Variants in COL6A3 observed in about 807,000 individuals in gnomAD.
COL6A3 encodes the protein collagen type VI alpha 3 chain.
A neutral mutation model predicts 274.1 loss-of-function variants in COL6A3; 137 were observed. The observed-to-expected ratio is 0.50, with a 90% CI of 0.44 to 0.58. COL6A3 has a LOEUF of 0.58. COL6A3 is among the 20% of genes least tolerant of loss of function. The pLI is 0.00. For synonymous variants in COL6A3, 1,650 were observed against 1,650.6 expected, an observed-to-expected ratio of 1.00 and a Z score of 0.01; for missense variants, 3,950 against 4,124.9, an observed-to-expected ratio of 0.96 and a Z score of 1.16.
chr2:237,342,399 T>G, intron 36 of COL6A3: 1 of 547,792 alleles, frequency 1.8e-6, no homozygotes, highest in South Asian at 2.1e-5. Flanking sequence ...GGGTTTCAGT[T>G]TTTTTCAGCT....
intron 25 of COL6A3, 117 bp from the exon 26 acceptor site, chr2:237,352,701 GC>G: frequency 1.1e-6 from 1 of 951,030 alleles, no homozygotes; most frequent in Non-Finnish European, 1.7e-6. Context: ...GCCAAAAACG[GC>G]CACCAAAACC....
chr2:237,358,561 T>C lies in COL6A3; in HGVS notation c.6431A>G (p.Glu2144Gly). ...GRRGDKGPRG[E>G]KGERGDVGIR... Reference sequence around the variant, plus strand: ...CCCAACATCTCCTCTTTCTCCTTTCTCTCCTCGAGGTCCTTTATCACCCTA... The same window carrying C: ...CCCAACATCTCCTCTTTCTCCTTTCCCTCCTCGAGGTCCTTTATCACCCTA... The change falls in exon 21 of 44, where the codon GAG becomes GGG. Residue 2144 changes from glutamate (E) to glycine (G), a missense_variant. Physicochemically the swap from Glu to Gly is moderately conservative, Grantham distance 98. This residue lies in a region of COL6A3 where 1,284 missense variants were observed against 1,349.7 expected (regional missense o/e 0.95). Transcript: ENST00000295550. 1 of 1,614,056 alleles carries C rather than the reference T, an allele frequency of 6.2e-7. No individual in the cohort carries two copies. The highest frequency in any genetic ancestry group is 8.5e-7 in the Non-Finnish European group (1 of 1,179,954).
At position 237,394,727 on chromosome 2, in the gene COL6A3, C is replaced by T. The variant is rs763309249; in HGVS notation, c.569G>A (p.Ser190Asn). 5.6e-6 allele frequency: 9 copies of T among 1,614,234 alleles called. No individual in the cohort carries two copies. In the East Asian group the frequency reaches 2.0e-4, roughly 36 times the overall value. The change falls in exon 3 of 44, where the codon AGT becomes AAT. Residue 190 changes from serine to asparagine, a missense_variant. By Grantham distance (46) the Ser-to-Asn change is conservative (BLOSUM62 1). Coordinates refer to ENST00000295550, the MANE Select transcript of COL6A3 (RefSeq NM_004369.4). ...GAACATATGCATATTGAGCGGTTCA[C>T]TTGCTATTTCTTTTAACGCTCCTTC... ...ADEGALKEIA[S>N]EPLNMHMFNL...
chr2:237,324,793 A>C lies in COL6A3; in HGVS notation c.9515T>G (p.Ile3172Ser). 1.2e-6 allele frequency: 2 copies of C among 1,613,480 alleles called. No individual in the cohort carries two copies. Among genetic ancestry groups the C allele is most frequent in the East Asian group, 2.2e-5 (1 of 44,876 alleles). Reference sequence around the variant, plus strand: ...CCACGCTTAGGTTCCCATCACACTGATGACTCCGGGTTTGGCGAGCACTGA... The same window carrying C: ...CCACGCTTAGGTTCCCATCACACTGCTGACTCCGGGTTTGGCGAGCACTGA... ...CAPVLAKPGVISVMGT is the reference protein window; with the variant it reads ...CAPVLAKPGVSSVMGT Residue 3172 changes from isoleucine to serine, a missense_variant, in exon 44 of 44, where the codon ATC (isoleucine) becomes AGC (serine). Ile to Ser is a moderately radical substitution (Grantham distance 142, BLOSUM62 -2). This residue lies in a region of COL6A3 where 1,284 missense variants were observed against 1,349.7 expected (regional missense o/e 0.95). Coordinates refer to ENST00000295550, the MANE Select transcript of COL6A3 (RefSeq NM_004369.4).
At chr2:237,334,362 G>A (rs985432123) in intron 41 of COL6A3, among the ~76,000 whole-genome samples, 14 of 152,184 alleles carry the variant, frequency 9.2e-5, no homozygotes, top group Admixed American at 7.2e-4. Flanking sequence ...CTCAGGCGAC[G>A]TGGATCTGGC....
At chr2:237,339,965 G>A (rs2076949172) in intron 38 of COL6A3, among the ~76,000 whole-genome samples, 1 of 152,108 alleles carries the variant, frequency 6.6e-6, no homozygotes, top group African/African-American at 2.4e-5. Context: ...AAGTGCGGTG[G>A]AGAGCATTCC....
chr2:237,352,659 A>G (rs2077232332), intron 25 of COL6A3, 75 bp from the exon 26 acceptor site: 1 of 1,381,034 alleles, frequency 7.2e-7, no homozygotes. Flanking sequence ...GCATCTGCCC[A>G]TCCCACAGGG....
At chr2:237,325,408 G>T in intron 43 of COL6A3, 152 bp downstream of exon 43, 2 of 861,428 alleles carry the variant, frequency 2.3e-6, no homozygotes, top group Non-Finnish European at 3.8e-6. Context: ...CATTTCATGG[G>T]TTGTATTTGA....
At chr2:237,411,921 C>T (rs1234332565) in intron 1 of COL6A3, among the ~76,000 whole-genome samples, 1 of 152,114 alleles carries the variant, frequency 6.6e-6, no homozygotes, top group Non-Finnish European at 1.5e-5. Context: ...AGCCACCTCC[C>T]AGAAAGGTGC....
At position 237,324,484 on chromosome 2, in the gene COL6A3, G is replaced by A. The variant is rs1699826451; in HGVS notation, c.*290C>T. 5.1e-6 allele frequency: 2 copies of A among 390,302 alleles called. No homozygotes were observed. The highest frequency in any genetic ancestry group is 9.4e-6 in the Non-Finnish European group (2 of 212,228). The allele number at this position is 390,302 out of a possible 1,614,324, so 24.2% of individuals were successfully genotyped here. A position where few individuals can be genotyped will look rare whatever the true frequency, so the allele number is the denominator to read the frequency against. On this transcript the variant is annotated 3_prime_UTR_variant, in exon 44 of 44. Coordinates refer to ENST00000295550, the MANE Select transcript of COL6A3 (RefSeq NM_004369.4). The stretch of plus-strand genomic sequence containing the variant: ...ACAGGCATAACATGAAACTCCAGAG[G>A]GAATTTGGATTGATAGGAATGTTCA...
At chr2:237,401,288 C>T (rs1189738505) in intron 1 of COL6A3, among the ~76,000 whole-genome samples, 1 of 152,158 alleles carries the variant, frequency 6.6e-6, no homozygotes, top group East Asian at 1.9e-4. Context: ...TATGTGCACA[C>T]CCATGTTCAT....
intron 4 of COL6A3, among the ~76,000 whole-genome samples, chr2:237,387,094 A>G (rs965974130): frequency 6.6e-6 from 1 of 152,182 alleles, no homozygotes. Flanking sequence ...TATAACTCTC[A>G]GCACCCTAGC....
At chr2:237,334,998 G>A in intron 40 of COL6A3, 109 bp from the exon 41 acceptor site, 1 of 1,342,536 alleles carries the variant, frequency 7.4e-7, no homozygotes, top group Non-Finnish European at 1.1e-6. Flanking sequence ...AAATTGACTT[G>A]AAATTTAGCT....
chr2:237,357,500 G>A (rs1355278133), intron 22 of COL6A3, 109 bp from the exon 23 acceptor site: 5 of 1,044,770 alleles, frequency 4.8e-6, no homozygotes, highest in African/African-American at 1.6e-5. Context: ...CAGAGGAAGA[G>A]CCCGTCTGCA....
intron 2 of COL6A3, among the ~76,000 whole-genome samples, chr2:237,395,783 A>T: frequency 6.6e-6 from 1 of 152,200 alleles, no homozygotes; most frequent in Non-Finnish European, 1.5e-5. Flanking sequence ...TTTTTTCCAG[A>T]TTTTTTGAGC....
Position 237,361,624 on chromosome 2 carries a change from T to C in COL6A3, c.6156+115A>G. Reference sequence around the variant, plus strand: ...CTCCTCCTTCTAACATAAGAAATGGTCTCTCGTCTCCTCCTTCATCTCCAC... The same window carrying C: ...CTCCTCCTTCTAACATAAGAAATGGCCTCTCGTCTCCTCCTTCATCTCCAC... On this transcript the variant is annotated intron_variant, in intron 15 of 43. Coordinates refer to ENST00000295550, the MANE Select transcript of COL6A3 (RefSeq NM_004369.4). This position sits in a 1 kb window ranked among gnomAD's most constrained non-coding sequence, Gnocchi z 5.1. 1.0e-6 allele frequency: 1 copy of C among 983,442 alleles called. No individual in the cohort carries two copies. Among genetic ancestry groups the C allele is most frequent in the Non-Finnish European group, 1.6e-6 (1 of 607,928 alleles). 60.9% of individuals were successfully genotyped at this position (983,442 alleles called of 1,614,324 possible).
chr2:237,374,791 C>T lies in COL6A3; in HGVS notation c.3300G>A (p.Leu1100=), dbSNP rs779714021. The change falls in exon 8 of 44, where the codon CTG becomes CTA. Residue 1100 remains leucine (L), a synonymous_variant. Transcript: ENST00000295550. The surrounding 1 kb of genome is among the most constrained non-coding windows in gnomAD (Gnocchi z 4.8). ...DVVNAVRQLT[L]LGGPTPNTGA... ...CGGTGTTGGGGGTCGGCCCTCCCAG[C>T]AGGGTCAGCTGGCGGACAGCGTTGA... 6.2e-7 allele frequency: 1 copy of T among 1,614,082 alleles called. No individual in the cohort carries two copies. Among genetic ancestry groups the T allele is most frequent in the South Asian group, 1.1e-5 (1 of 91,078 alleles).
chr2:237,348,764 T>C (rs2077147433), intron 28 of COL6A3, 101 bp from the exon 29 acceptor site: 1 of 1,016,772 alleles, frequency 9.8e-7, no homozygotes, highest in Admixed American at 1.8e-5. Flanking sequence ...ATCCTTGAGC[T>C]CCTGAAATGT....
chr2:237,381,823 A>G (rs1292484818), intron 4 of COL6A3, among the ~76,000 whole-genome samples: 3 of 152,198 alleles, frequency 2.0e-5, no homozygotes, highest in Admixed American at 2.0e-4. Flanking sequence ...TCTGCCGTAA[A>G]TACACAACTT....
Sources: allele counts gnomAD v4.1 joint callset (sites outside exome capture counted in the v4.1 genomes callset), GRCh38; gene constraint gnomAD v4.1.1; regional missense constraint gnomAD v4.1.1; non-coding constraint Gnocchi (gnomAD v3.1); transcripts MANE v1.5; gene names NCBI Gene and HGNC (gene_info 2026-07-23, HGNC 2026-07-21).